Variants in NEBL observed in about 807,000 individuals in gnomAD.
NEBL encodes the protein nebulette.
Under a neutral mutation model 140.2 loss-of-function variants are expected in NEBL, and 122 were observed. The ratio of observed to expected loss-of-function variants is 0.87; its 90% confidence interval spans 0.75 to 1.01. NEBL has a LOEUF of 1.01. Among genes scored for constraint, NEBL ranks in the 50% least tolerant of loss-of-function variants. NEBL has a pLI of 0.00. For synonymous variants in NEBL, 436 were observed against 398.9 expected, an observed-to-expected ratio of 1.09 and a Z score of -1.11; for missense variants, 1,365 against 1,231.3, an observed-to-expected ratio of 1.11 and a Z score of -1.62.
chr10:20,812,636 C>G, intron 24 of NEBL, 133 bp downstream of exon 24: 1 of 1,044,572 alleles, frequency 9.6e-7, no homozygotes, highest in Non-Finnish European at 1.5e-6. Flanking sequence ...ACTTTACCTG[C>G]GGTCCATTTT....
intron 3 of NEBL, among the ~76,000 whole-genome samples, chr10:21,220,784 A>T (rs1451630861): frequency 2.0e-5 from 3 of 152,218 alleles, no homozygotes. Flanking sequence ...ATATATAAGG[A>T]ACTCAACCAA....
Position 20,840,785 on chromosome 10 carries a change from A to T in NEBL, c.1292T>A (p.Val431Asp). Residue 431 changes from valine (V) to aspartate (D), a missense_variant, in exon 13 of 28, where the codon GTT becomes GAT. This residue lies in a region of NEBL where 1,323 missense variants were observed against 1,154.8 expected (regional missense o/e 1.15). Transcript: ENST00000377122. ...KGKGMELNSE[V>D]LDIQRAKRAS... Reference sequence around the variant, plus strand: ...TCGCTTTGCTCTTTGGATATCAAGAACTTCTGAATTAAGTTCCATTCCTTT... The same window carrying T: ...TCGCTTTGCTCTTTGGATATCAAGATCTTCTGAATTAAGTTCCATTCCTTT... 1 of 1,612,040 alleles carries T rather than the reference A, an allele frequency of 6.2e-7. No individual in the cohort carries two copies. The highest frequency in any genetic ancestry group is 8.5e-7 in the Non-Finnish European group (1 of 1,178,598).
At chr10:20,985,397 A>T (rs1466997955) in intron 3 of NEBL, among the ~76,000 whole-genome samples, 1 of 152,186 alleles carries the variant, frequency 6.6e-6, no homozygotes, top group African/African-American at 2.4e-5. Flanking sequence ...ACTCACAAAA[A>T]ATTTTGTTCA....
chr10:20,890,436 A>C (rs765918038), intron 2 of NEBL, among the ~76,000 whole-genome samples: 6 of 152,212 alleles, frequency 3.9e-5, no homozygotes, highest in Non-Finnish European at 7.3e-5. Flanking sequence ...TACCGTTATT[A>C]CCTAGACATG....
At position 21,065,951 on chromosome 10, in the gene NEBL, C is replaced by T. The variant is rs77295246; in HGVS notation, c.165-45750G>A. 3.3e-3 allele frequency among the ~76,000 whole-genome samples: 498 copies of T among 152,344 alleles called. 3 individuals are homozygous for T. The highest frequency in any genetic ancestry group is 0.011 in the African/African-American group (441 of 41,572). On this transcript the variant is annotated intron_variant, in intron 2 of 6. Coordinates refer to the NEBL transcript ENST00000417816. ...TAGTCTTACCACCAGCAGCTGCACACCTCTCTTCAACCTGGTTACGTGTTA... is the reference window on the plus strand; with the variant it reads ...TAGTCTTACCACCAGCAGCTGCACATCTCTCTTCAACCTGGTTACGTGTTA...
chr10:20,818,390 G>GCTGA (rs1838950923), intron 20 of NEBL, among the ~76,000 whole-genome samples: 1 of 151,980 alleles, frequency 6.6e-6, no homozygotes, highest in Non-Finnish European at 1.5e-5. Context: ...AACAAACAGT[G>GCTGA]CTGACCTCAT....
chr10:21,013,006 A>G (rs1049127689), intron 3 of NEBL, among the ~76,000 whole-genome samples: 8 of 151,904 alleles, frequency 5.3e-5, no homozygotes, highest in African/African-American at 1.9e-4. Context: ...AAAAATCAAA[A>G]CATCTTGGTT....
upstream of NEBL, among the ~76,000 whole-genome samples, chr10:21,175,715 A>G (rs924959168): frequency 7.9e-5 from 12 of 152,242 alleles, no homozygotes; most frequent in Non-Finnish European, 1.3e-4. Flanking sequence ...AGCAAATAAA[A>G]TGAGAATTTG....
chr10:21,263,282 A>T (rs1842762007), intron 1 of NEBL, among the ~76,000 whole-genome samples: 1 of 152,200 alleles, frequency 6.6e-6, no homozygotes, highest in South Asian at 2.1e-4. Flanking sequence ...TGGGACAAGG[A>T]AAACACCTTT....
intron 4 of NEBL, among the ~76,000 whole-genome samples, chr10:20,947,923 C>G (rs1257811465): frequency 6.6e-6 from 1 of 152,198 alleles, no homozygotes; most frequent in African/African-American, 2.4e-5. Flanking sequence ...TGCTTTAGAG[C>G]AGGGGTGTCC....
Position 20,828,633 on chromosome 10 carries a change from C to G in NEBL, c.1673G>C (p.Arg558Thr). Residue 558 changes from arginine (R) to threonine (T), a missense_variant and splice_region_variant, in exon 17 of 28, where the codon AGA becomes ACA. Coordinates refer to ENST00000377122, the MANE Select transcript of NEBL (RefSeq NM_006393.3). ...CTTCTCTGCTTCATCTTTATACTTT[C>G]TCTAAAAACATAAACAGTTAATATA... The part of the protein sequence containing the change: ...AKRTSEIYSQ[R>T]KYKDEAEKML... The G allele has an allele frequency of 6.5e-7, 1 of 1,540,030 alleles. No individual in the cohort carries two copies. Among genetic ancestry groups the G allele is most frequent in the South Asian group, 1.1e-5 (1 of 89,224 alleles).
chr10:21,183,565 A>C (rs1841418125), intron 3 of NEBL, among the ~76,000 whole-genome samples: 1 of 152,262 alleles, frequency 6.6e-6, no homozygotes. Flanking sequence ...TCTCAAAGAC[A>C]AATGCCATCC....
chr10:21,175,562 T>G (rs1841280011), upstream of NEBL, among the ~76,000 whole-genome samples: 4 of 152,240 alleles, frequency 2.6e-5, no homozygotes, highest in Non-Finnish European at 5.9e-5. Context: ...TCTGGGCCTC[T>G]TAAACAGCTG....
rs149930196 is a variant in NEBL, at chr10:20,959,927, T to C, written c.357+1745A>G. Among the ~76,000 whole-genome samples the C allele has an allele frequency of 5.0e-3, 767 of 152,132 alleles. 8 individuals carry two copies. Among genetic ancestry groups the C allele is most frequent in the African/African-American group, 0.018 (727 of 41,534 alleles). ...ATAAATATAGATTAATACATACCTG[T>C]GTGATAAGGGTATTTTGCATAATTA... On this transcript the variant is annotated intron_variant, in intron 4 of 6. Transcript: ENST00000417816.
At chr10:20,897,899 T>C (rs578206630), upstream of NEBL, among the ~76,000 whole-genome samples, 1 of 152,188 alleles carries the variant, frequency 6.6e-6, no homozygotes. Context: ...CTGGCGAGTA[T>C]GGTATTGTAT....
intron 3 of NEBL, among the ~76,000 whole-genome samples, chr10:20,978,084 A>G (rs551958911): frequency 6.6e-6 from 1 of 152,310 alleles, no homozygotes; most frequent in South Asian, 2.1e-4. Flanking sequence ...CGCTTCAGGA[A>G]ATACTGCAGA....
chr10:21,109,849 A>G (rs1213010398), intron 2 of NEBL, among the ~76,000 whole-genome samples: 1 of 151,990 alleles, frequency 6.6e-6, no homozygotes, highest in Non-Finnish European at 1.5e-5. Flanking sequence ...AAACTTTATC[A>G]TTAACTTTAT....
At chr10:21,090,973 G>A (rs938719995) in intron 2 of NEBL, among the ~76,000 whole-genome samples, 8 of 151,312 alleles carry the variant, frequency 5.3e-5, no homozygotes, top group African/African-American at 1.2e-4. Context: ...TTTTCCCAGC[G>A]TCCCACCACC....
intron 2 of NEBL, among the ~76,000 whole-genome samples, chr10:20,892,342 T>C (rs1042731687): frequency 3.3e-5 from 5 of 152,074 alleles, no homozygotes; most frequent in African/African-American, 1.2e-4. Context: ...TCTTTCTCAA[T>C]CAAAGGGAAG....
Sources: gnomAD v4.1 joint callset for allele counts (sites outside exome capture counted in the v4.1 genomes callset) on GRCh38, gnomAD v4.1.1 for gene constraint, gnomAD v4.1.1 regional missense constraint, MANE v1.5 for transcripts, NCBI Gene and HGNC (gene_info 2026-07-23, HGNC 2026-07-21) for gene names.